Variants in ATP1A3 observed in about 807,000 individuals in gnomAD.
ATP1A3 encodes the protein sodium/potassium-transporting ATPase subunit alpha-3.
Under a neutral mutation model 108.8 loss-of-function variants are expected in ATP1A3, and 12 were observed. That is an observed-to-expected ratio of 0.11 (90% CI 0.07 to 0.18). The LOEUF is 0.18. ATP1A3 is among the 10% of genes least tolerant of loss of function. The pLI, the probability that ATP1A3 is intolerant of heterozygous loss-of-function variation, is 1.00. For missense variants in ATP1A3, 498 were observed against 1,387.7 expected (o/e 0.36, Z 10.19); for synonymous variants, 539 against 564.5 (o/e 0.95, Z 0.64).
intron 16 of ATP1A3, among the ~76,000 whole-genome samples, chr19:41,972,674 A>G (rs1555860160): frequency 6.6e-6 from 1 of 150,518 alleles, no homozygotes; most frequent in African/African-American, 2.4e-5. Flanking sequence ...CTGAGGCAGA[A>G]GAATCGCTTG....
chr19:41,980,825 G>A (rs2075222981), intron 11 of ATP1A3, among the ~76,000 whole-genome samples: 1 of 151,802 alleles, frequency 6.6e-6, no homozygotes, highest in Non-Finnish European at 1.5e-5. Flanking sequence ...GCAGGAGAAT[G>A]GTGTGAACCC....
rs1329568831 is a variant in ATP1A3, at chr19:41,975,721, A to G, written c.2171T>C (p.Met724Thr). ...GGAGACGTCAGAGCCAGCGATGCCC[A>G]TGGCCACCCCAATGTCGGCCTTCTT... is the stretch of plus-strand genomic sequence containing the variant. ...ALKKADIGVA[M>T]GIAGSDVSKQ... The change falls in exon 16 of 23, where the codon ATG becomes ACG. Residue 724 changes from methionine to threonine, a missense_variant. Physicochemically the swap from Met to Thr is moderately conservative, Grantham distance 81. Transcript: ENST00000648268. 1 of 1,614,004 alleles carries G rather than the reference A, an allele frequency of 6.2e-7. No individual in the cohort carries two copies. The highest frequency in any genetic ancestry group is 8.5e-7 in the Non-Finnish European group (1 of 1,179,998).
chr19:41,971,735 A>G (rs1027156832), intron 16 of ATP1A3, among the ~76,000 whole-genome samples: 1 of 152,080 alleles, frequency 6.6e-6, no homozygotes, highest in South Asian at 2.1e-4. Flanking sequence ...AGGAGGAGGG[A>G]TATAGACTGG....
intron 1 of ATP1A3, among the ~76,000 whole-genome samples, chr19:41,990,038 T>A (rs1181093293): frequency 6.6e-6 from 1 of 152,148 alleles, no homozygotes; most frequent in Non-Finnish European, 1.5e-5. Flanking sequence ...TATTTCCCTC[T>A]GAGTTGGCGT....
chr19:41,969,037 G>T, intron 19 of ATP1A3, 122 bp from the exon 20 acceptor site: 1 of 1,448,068 alleles, frequency 6.9e-7, no homozygotes, highest in South Asian at 1.2e-5. Flanking sequence ...AGGGCCTCAG[G>T]TGTGTCTTCC....
At chr19:41,982,399 G>A (rs1441901126) in intron 8 of ATP1A3, among the ~76,000 whole-genome samples, 2 of 152,146 alleles carry the variant, frequency 1.3e-5, no homozygotes, top group African/African-American at 4.8e-5. Context: ...GCCGAGGTAG[G>A]CGCATCACTT....
At chr19:41,971,197 GATTCCA>G in intron 16 of ATP1A3, among the ~76,000 whole-genome samples, 1 of 150,660 alleles carries the variant, frequency 6.6e-6, no homozygotes, top group East Asian at 2.0e-4. Flanking sequence ...TCTGGGCTGT[GATTCCA>G]TCTCAGCCTC....
chr19:41,993,648 G>A (rs2045865861), intron 1 of ATP1A3: 1 of 667,226 alleles, frequency 1.5e-6, no homozygotes, highest in African/African-American at 1.8e-5. Flanking sequence ...GGGAAGCAGG[G>A]GGGCCTCAAT....
At chr19:41,986,631 T>C (rs2075289134) in intron 4 of ATP1A3, 1 of 260,156 alleles carries the variant, frequency 3.8e-6, no homozygotes, top group Admixed American at 5.0e-5. Context: ...TTAGTAGAGA[T>C]GGGGCTTCAC....
In ATP1A3 at chr19:41,985,555, G is replaced by A; in HGVS notation, c.607-132C>T. 1 of 970,936 alleles carries A rather than the reference G, an allele frequency of 1.0e-6. No homozygotes were observed. The highest frequency in any genetic ancestry group is 1.9e-5 in the Admixed American group (1 of 52,116). The allele number at this position is 970,936 out of a possible 1,614,324, so 60.1% of individuals were successfully genotyped here. ...AGAAGCCTGGGTGCCCAGTGGGTGA[G>A]TGGTGTGTGGGAGGCCAGAGGCTGG... On this transcript the variant is annotated intron_variant, in intron 6 of 22. Transcript: ENST00000648268. This position sits in a 1 kb window ranked among gnomAD's most constrained non-coding sequence, Gnocchi z 8.2.
Position 41,967,532 on chromosome 19 carries a change from C to A in ATP1A3, c.2921+130G>T. The A allele has an allele frequency of 8.5e-7, 1 of 1,182,460 alleles. No homozygotes were observed. The allele number at this position is 1,182,460 out of a possible 1,614,324, so 73.2% of individuals were successfully genotyped here. On this transcript the variant is annotated intron_variant, in intron 21 of 22. Coordinates refer to ENST00000648268, the MANE Select transcript of ATP1A3 (RefSeq NM_152296.5). The surrounding 1 kb of genome is among the most constrained non-coding windows in gnomAD (Gnocchi z 4.2). ...GTGGGAGCAGCCTATGGGGGAGGCT[C>A]GGGGGCATCAGAATGGGGACTGCAG...
intron 8 of ATP1A3, 64 bp downstream of exon 8, chr19:41,984,854 C>T: frequency 6.5e-7 from 1 of 1,547,642 alleles, no homozygotes; most frequent in Non-Finnish European, 8.8e-7. Context: ...AGCCCCTCCT[C>T]CCTCAGACCC....
chr19:41,993,456 GCA>G (rs148508295), intron 1 of ATP1A3: 33 of 1,507,696 alleles, frequency 2.2e-5, no homozygotes, highest in East Asian at 5.0e-5. Context: ...ATGAGGGGCT[GCA>G]CACACACACA....
chr19:41,972,111 G>A (rs139668444), intron 16 of ATP1A3, among the ~76,000 whole-genome samples: 17 of 152,150 alleles, frequency 1.1e-4, no homozygotes, highest in Admixed American at 4.6e-4. Context: ...TTAGCTGGGC[G>A]TGGTGGTGGG....
chr19:41,987,532 G>A (rs1370147732), intron 4 of ATP1A3, among the ~76,000 whole-genome samples: 1 of 152,136 alleles, frequency 6.6e-6, no homozygotes, highest in Non-Finnish European at 1.5e-5. Flanking sequence ...TTATGCGCAT[G>A]GGATCTGAGG....
chr19:41,975,165 C>T (rs1303075491), intron 16 of ATP1A3, among the ~76,000 whole-genome samples: 2 of 152,192 alleles, frequency 1.3e-5, no homozygotes, highest in East Asian at 3.9e-4. Flanking sequence ...AATTCTCCTG[C>T]CTCAGCCTCC....
At chr19:41,983,766 AT>A (rs556483707) in intron 8 of ATP1A3, among the ~76,000 whole-genome samples, 1,977 of 101,266 alleles carry the variant, frequency 0.02, 4 homozygotes, top group African/African-American at 0.032. Flanking sequence ...ATTTAAAAAA[AT>A]TTTTTTTTTT....
chr19:41,983,759 TAA>T (rs1278717040), intron 8 of ATP1A3, among the ~76,000 whole-genome samples: 2 of 145,110 alleles, frequency 1.4e-5, no homozygotes, highest in African/African-American at 5.1e-5. Flanking sequence ...CTGGCTAATT[TAA>T]AAAAATTTTT....
chr19:41,983,187 T>C lies in ATP1A3; in HGVS notation c.994-1081A>G, dbSNP rs1199883039. Among the ~76,000 whole-genome samples, 28 of 151,924 alleles carry C rather than the reference T, an allele frequency of 1.8e-4. No individual in the cohort carries two copies. The Admixed American group carries it at 1.9e-3, about 10-fold the overall frequency. ...CCACCTCCCAGGTTCAAGCAATTCT[T>C]GTGCCTCAGCCTCCCAAGTAGCTGG... On this transcript the variant is annotated intron_variant, in intron 8 of 22. Coordinates refer to ENST00000648268, the MANE Select transcript of ATP1A3 (RefSeq NM_152296.5).
Sources: gnomAD v4.1 joint callset for allele counts (sites outside exome capture counted in the v4.1 genomes callset) on GRCh38, gnomAD v4.1.1 for gene constraint, Gnocchi (gnomAD v3.1) non-coding constraint, MANE v1.5 for transcripts, NCBI Gene and HGNC (gene_info 2026-07-23, HGNC 2026-07-21) for gene names.